The following UBE2E2 variants were observed in gnomAD, a reference collection of about 807,000 sequenced individuals.
The protein encoded by UBE2E2 is ubiquitin-conjugating enzyme E2 E2.
Under a neutral mutation model 24.7 loss-of-function variants are expected in UBE2E2, and 6 were observed. The ratio of observed to expected loss-of-function variants is 0.24; its 90% CI spans 0.13 to 0.48. UBE2E2 has a LOEUF of 0.48. UBE2E2 is among the 20% of genes least tolerant of loss of function. The pLI, the probability that UBE2E2 is intolerant of heterozygous loss-of-function variation, is 0.99. For missense variants in UBE2E2, 169 were observed against 245.0 expected (o/e 0.69, Z 2.07); for synonymous variants, 104 against 83.6 (o/e 1.24, Z -1.33).
At position 23,208,795 on chromosome 3, in the gene UBE2E2, A is replaced by G; in HGVS notation, c.96A>G (p.Glu32=). The part of the protein sequence containing the change: ...DQRESVQQEP[E]REQVQPKKKE... ...GTGAAAGTGTTCAGCAAGAACCAGA[A>G]AGAGAACAAGTTCAGCCCAAGAAAA... Residue 32 remains glutamate (E), a synonymous_variant, in exon 2 of 6, where the codon GAA becomes GAG. Transcript: ENST00000396703. 1 of 1,613,826 alleles carries G rather than the reference A, an allele frequency of 6.2e-7. No individual in the cohort carries two copies. The highest frequency in any genetic ancestry group is 1.3e-5 in the African/African-American group (1 of 75,044).
chr3:23,590,217 AT>A lies in UBE2E2; in HGVS notation c.*395del, dbSNP rs931648898. The A allele has an allele frequency of 1.8e-5, 3 of 164,638 alleles. No homozygotes were observed. Among genetic ancestry groups the A allele is most frequent in the Admixed American group, 1.3e-4 (2 of 15,952 alleles). 10.2% of individuals were successfully genotyped at this position (164,638 alleles called of 1,614,324 possible). Reference sequence around the variant, plus strand: ...TTTTGTTGTTGTTTATTTGATTTTGATTTTTTTTTCTTTTATGTGATCTTTG... The same window carrying A: ...TTTTGTTGTTGTTTATTTGATTTTGATTTTTTTTCTTTTATGTGATCTTTG... On this transcript the variant is annotated 3_prime_UTR_variant, in exon 6 of 6. Transcript: ENST00000396703.
chr3:23,443,598 C>T (rs1160629335), intron 3 of UBE2E2, among the ~76,000 whole-genome samples: 1 of 152,174 alleles, frequency 6.6e-6, no homozygotes, highest in Non-Finnish European at 1.5e-5. Context: ...GAATCCAAAG[C>T]AGCGTCAACG....
chr3:23,326,274 T>C (rs996934567), intron 3 of UBE2E2, among the ~76,000 whole-genome samples: 1 of 152,184 alleles, frequency 6.6e-6, no homozygotes, highest in Non-Finnish European at 1.5e-5. Context: ...TTTCACCATT[T>C]TGGCCAGGCT....
chr3:23,228,849 A>G (rs1269311735), intron 3 of UBE2E2, among the ~76,000 whole-genome samples: 2 of 152,214 alleles, frequency 1.3e-5, no homozygotes, highest in East Asian at 1.9e-4. Context: ...TTCTACTTCA[A>G]TACACAGCAG....
intron 3 of UBE2E2, among the ~76,000 whole-genome samples, chr3:23,307,159 C>A (rs1444444326): frequency 6.6e-6 from 1 of 152,048 alleles, no homozygotes; most frequent in Non-Finnish European, 1.5e-5. Flanking sequence ...TTTCTGCCTC[C>A]CTTTCCGTTT....
At chr3:23,257,513 C>CA (rs1697764456) in intron 3 of UBE2E2, among the ~76,000 whole-genome samples, 1 of 680 alleles carries the variant, frequency 1.5e-3, no homozygotes, top group Non-Finnish European at 3.2e-3. Flanking sequence ...GTTTCCCGTG[C>CA]CCCCCCCCCC....
intron 3 of UBE2E2, among the ~76,000 whole-genome samples, chr3:23,304,068 G>C (rs1699179123): frequency 6.6e-6 from 1 of 152,170 alleles, no homozygotes; most frequent in Admixed American, 6.6e-5. Context: ...CTCTTGAACA[G>C]TTAGCTACTA....
chr3:23,589,918 T>G lies in UBE2E2; in HGVS notation c.*87T>G. The stretch of plus-strand genomic sequence containing the variant: ...CCCTGCCCACCCCTCCAGACCTCGG[T>G]TCTTATTTTCCTATTTTTATTAAAT... On this transcript the variant is annotated 3_prime_UTR_variant, in exon 6 of 6. Coordinates refer to ENST00000396703, the MANE Select transcript of UBE2E2 (RefSeq NM_152653.4). This position sits in a 1 kb window ranked among gnomAD's most constrained non-coding sequence, Gnocchi z 4.1. The G allele has an allele frequency of 8.0e-7, 1 of 1,248,776 alleles. No individual in the cohort carries two copies. The highest frequency in any genetic ancestry group is 1.1e-6 in the Non-Finnish European group (1 of 882,358). The allele number at this position is 1,248,776 out of a possible 1,614,324, so 77.4% of individuals were successfully genotyped here.
intron 3 of UBE2E2, among the ~76,000 whole-genome samples, chr3:23,353,477 C>A (rs1210619097): frequency 6.6e-6 from 1 of 152,118 alleles, no homozygotes; most frequent in East Asian, 1.9e-4. Context: ...GATAGTATAT[C>A]TAGAAAACCC....
At chr3:23,230,519 T>G (rs1265385323) in intron 3 of UBE2E2, among the ~76,000 whole-genome samples, 1 of 152,192 alleles carries the variant, frequency 6.6e-6, no homozygotes, top group Non-Finnish European at 1.5e-5. Context: ...GCGCAGGGGC[T>G]CATGCCTATA....
chr3:23,360,487 A>G (rs2125330745), intron 3 of UBE2E2, among the ~76,000 whole-genome samples: 1 of 152,320 alleles, frequency 6.6e-6, no homozygotes, highest in East Asian at 1.9e-4. Context: ...AAATAATTAG[A>G]ATATGATGTA....
chr3:23,537,434 G>A lies in UBE2E2; in HGVS notation c.508+4733G>A, dbSNP rs542175954. On this transcript the variant is annotated intron_variant, in intron 5 of 5. Coordinates refer to ENST00000396703, the MANE Select transcript of UBE2E2 (RefSeq NM_152653.4). ...GTTACTCCAGTCTTAGATGTGTGCA[G>A]ATCTGTATTAGAACAGCAAATAGAG... 3.9e-5 allele frequency among the ~76,000 whole-genome samples: 6 copies of A among 152,290 alleles called. 1 individual carries two copies. In the East Asian group the frequency reaches 7.7e-4, roughly 20 times the overall value.
chr3:23,453,769 T>C (rs746517629), intron 3 of UBE2E2, among the ~76,000 whole-genome samples: 3 of 152,198 alleles, frequency 2.0e-5, no homozygotes, highest in Non-Finnish European at 4.4e-5. Context: ...TGTAGAGCAG[T>C]GTATTACAGC....
At chr3:23,408,695 G>C (rs186843664) in intron 3 of UBE2E2, among the ~76,000 whole-genome samples, 5 of 152,272 alleles carry the variant, frequency 3.3e-5, no homozygotes, top group East Asian at 1.9e-4. Flanking sequence ...GAGCAGCTCT[G>C]AGCTGGCCCT....
rs1446967085 is a variant in UBE2E2 at position 23,506,480 on chromosome 3, C to G, written c.360+6740C>G. Reference sequence around the variant, plus strand: ...ACACAGCTAGCCAGACCCAGTCCCACTGGCTCAATCTTGACAATAAATCTA... The same window carrying G: ...ACACAGCTAGCCAGACCCAGTCCCAGTGGCTCAATCTTGACAATAAATCTA... On this transcript the variant is annotated intron_variant, in intron 4 of 5. Transcript: ENST00000396703. Among the ~76,000 whole-genome samples, 3 of 152,176 alleles carry G rather than the reference C, an allele frequency of 2.0e-5. No homozygotes were observed. The East Asian group carries it at 5.8e-4, about 29-fold the overall frequency.
intron 3 of UBE2E2, among the ~76,000 whole-genome samples, chr3:23,454,865 A>G (rs552663791): frequency 6.6e-6 from 1 of 152,296 alleles, no homozygotes; most frequent in South Asian, 2.1e-4. Context: ...TCAAAATTTG[A>G]ACTTTGCATA....
At chr3:23,228,413 C>A (rs943909350) in intron 3 of UBE2E2, among the ~76,000 whole-genome samples, 3 of 152,076 alleles carry the variant, frequency 2.0e-5, no homozygotes, top group Non-Finnish European at 4.4e-5. Context: ...TAACTAAGCA[C>A]TTTAGAGATA....
At chr3:23,311,380 T>C (rs572586130) in intron 3 of UBE2E2, among the ~76,000 whole-genome samples, 56 of 152,314 alleles carry the variant, frequency 3.7e-4, no homozygotes, top group Non-Finnish European at 7.2e-4. Flanking sequence ...CCCAGTAATA[T>C]ATACCAGGTG....
chr3:23,346,459 C>T (rs1695560449), intron 3 of UBE2E2, among the ~76,000 whole-genome samples: 1 of 152,184 alleles, frequency 6.6e-6, no homozygotes, highest in Admixed American at 6.5e-5. Flanking sequence ...ATTTAGCTGT[C>T]AGAGGTCTGC....
Sources: allele counts gnomAD v4.1 joint callset (sites outside exome capture counted in the v4.1 genomes callset), GRCh38; gene constraint gnomAD v4.1.1; non-coding constraint Gnocchi (gnomAD v3.1); transcripts MANE v1.5; gene names NCBI Gene and HGNC (gene_info 2026-07-23, HGNC 2026-07-21).